ATP8B1: variants seen among roughly 807,000 people sequenced by gnomAD.
The protein encoded by ATP8B1 is phospholipid-transporting ATPase IC.
In ATP8B1, 80 loss-of-function variants were observed where a neutral mutation model predicts 149.9. That is an observed-to-expected ratio of 0.53 (90% confidence interval 0.45 to 0.64). The LOEUF is 0.64. ATP8B1 is among the 30% of genes least tolerant of loss of function. ATP8B1 has a pLI of 0.00. For synonymous variants in ATP8B1, 536 were observed against 562.8 expected (o/e 0.95, Z 0.67); for missense variants, 1,247 against 1,552.6 (o/e 0.80, Z 3.31).
chr18:57,697,681 A>C lies in ATP8B1; in HGVS notation c.635T>G (p.Ile212Ser). 6.2e-7 allele frequency: 1 copy of C among 1,614,138 alleles called. No homozygotes were observed. The highest frequency in any genetic ancestry group is 8.5e-7 in the Non-Finnish European group (1 of 1,180,026). Reference sequence around the variant, plus strand: ...AGGCTCAGAGCTAGACAGCAGGAGAATGTCAGCCTGTCCAAAACAAAACAC... The same window carrying C: ...AGGCTCAGAGCTAGACAGCAGGAGACTGTCAGCCTGTCCAAAACAAAACAC... The part of the protein sequence containing the change: ...LKKNDFVPAD[I>S]LLLSSSEPNS... The change falls in exon 8 of 28, where the codon ATT becomes AGT. Residue 212 changes from isoleucine (I) to serine (S), a missense_variant. Transcript: ENST00000648908.
chr18:57,790,527 T>C (rs1263348519), intron 1 of ATP8B1, among the ~76,000 whole-genome samples: 1 of 152,092 alleles, frequency 6.6e-6, no homozygotes, highest in African/African-American at 2.4e-5. Flanking sequence ...AGCACAGCAC[T>C]AAGCTCTCAC....
At chr18:57,657,209 A>C (rs1910062265) in intron 22 of ATP8B1, among the ~76,000 whole-genome samples, 1 of 152,110 alleles carries the variant, frequency 6.6e-6, no homozygotes, top group Non-Finnish European at 1.5e-5. Context: ...TTAAACTTTC[A>C]AAGTCTTATT....
intron 1 of ATP8B1, among the ~76,000 whole-genome samples, chr18:57,779,810 T>C (rs914885462): frequency 2.6e-5 from 4 of 151,482 alleles, no homozygotes; most frequent in African/African-American, 4.9e-5. Context: ...TGAGGCAGAA[T>C]TGCTTGAAAA....
intron 1 of ATP8B1, among the ~76,000 whole-genome samples, chr18:57,754,672 C>T (rs1027562055): frequency 6.6e-6 from 1 of 152,076 alleles, no homozygotes; most frequent in Non-Finnish European, 1.5e-5. Flanking sequence ...AACACATCAC[C>T]AAATTGACAC....
intron 1 of ATP8B1, among the ~76,000 whole-genome samples, chr18:57,733,425 A>C (rs1388112811): frequency 6.6e-6 from 1 of 152,144 alleles, no homozygotes; most frequent in Non-Finnish European, 1.5e-5. Flanking sequence ...AATTTAAGGC[A>C]GCCACGCACG....
chr18:57,732,817 C>T (rs373288924), intron 1 of ATP8B1, among the ~76,000 whole-genome samples: 2 of 131,342 alleles, frequency 1.5e-5, no homozygotes, highest in African/African-American at 5.8e-5. Flanking sequence ...CCCGCCTCGG[C>T]TTCCCAAAGT....
At position 57,757,024 on chromosome 18, in the gene ATP8B1, C is replaced by T. The variant is rs770985277; in HGVS notation, c.-25-25192G>A. ...CTGATCCAGTCTCTACTACAATGGC[C>T]ATGAAAGGATGATTTCACAGCACCC... On this transcript the variant is annotated intron_variant, in intron 1 of 27. Transcript: ENST00000648908. 2.6e-5 allele frequency among the ~76,000 whole-genome samples: 4 copies of T among 152,270 alleles called. No individual in the cohort carries two copies. In the East Asian group the frequency reaches 7.7e-4, roughly 29 times the overall value.
intron 10 of ATP8B1, 134 bp downstream of exon 10, chr18:57,695,029 CAAAAAAAA>C (rs397960134): frequency 9.9e-5 from 28 of 282,928 alleles, no homozygotes; most frequent in African/African-American, 8.2e-4. Context: ...GACTCTGTCT[CAAAAAAAA>C]AAAAAAAAAA....
chr18:57,706,215 A>G lies in ATP8B1; in HGVS notation c.279+275T>C, dbSNP rs200961216. On this transcript the variant is annotated intron_variant, in intron 3 of 27. Transcript: ENST00000648908. ...CAGGAGGCTTCTGTGCCATCATTGT[A>G]TATTCTTTCATAAAACATTTCTAAG... Among the ~76,000 whole-genome samples, 23 of 152,324 alleles carry G rather than the reference A, an allele frequency of 1.5e-4. No individual in the cohort carries two copies. In the East Asian group the frequency reaches 4.4e-3, roughly 29 times the overall value.
intron 2 of ATP8B1, among the ~76,000 whole-genome samples, chr18:57,711,998 T>A (rs1186608249): frequency 6.6e-6 from 1 of 151,890 alleles, no homozygotes. Context: ...CATTTACATG[T>A]ATTACTGTTT....
At position 57,719,685 on chromosome 18, in the gene ATP8B1, A is replaced by G. The variant is rs758725581; in HGVS notation, c.181+11942T>C. 4.7e-3 allele frequency among the ~76,000 whole-genome samples: 723 copies of G among 152,264 alleles called. 5 individuals are homozygous for G. The highest frequency in any genetic ancestry group is 0.017 in the Middle Eastern group (5 of 294). On this transcript the variant is annotated intron_variant, in intron 2 of 27. Transcript: ENST00000648908. The stretch of plus-strand genomic sequence containing the variant: ...CAAGGCGGCAGCGAGGCTGGGGGAG[A>G]GGTGCCCGCCATTGCCCAGGCTTGC...
rs1183045439 is a variant in ATP8B1 at position 57,802,590 on chromosome 18, C to T, written c.-26+408G>A. 3.3e-5 allele frequency among the ~76,000 whole-genome samples: 5 copies of T among 152,222 alleles called. No individual in the cohort carries two copies. The highest frequency in any genetic ancestry group is 2.1e-4 in the South Asian group (1 of 4,830). ...GAGCGCCCCAGCAGGACCCGGTCAC[C>T]GGGGTCTTCCAGAGGGGCGGTAGCC... is the stretch of plus-strand genomic sequence containing the variant. On this transcript the variant is annotated intron_variant, in intron 1 of 27. Coordinates refer to ENST00000648908, the MANE Select transcript of ATP8B1 (RefSeq NM_001374385.1). This position sits in a 1 kb window ranked among gnomAD's most constrained non-coding sequence, Gnocchi z 4.9.
At chr18:57,732,129 G>GTGTATATATGTGTA (rs1568043898) in intron 1 of ATP8B1, 7 of 41,448 alleles carry the variant, frequency 1.7e-4, no homozygotes, top group South Asian at 1.5e-3. Flanking sequence ...ATATATATGT[G>GTGTATATATGTGTA]TATATGTATA....
chr18:57,697,694 CA>C lies in ATP8B1; in HGVS notation c.628-7del. ...GACAGCAGGAGAATGTCAGCCTGTC[CA>C]AAACAAAACACACAAATAACACCGA... On this transcript the variant is annotated splice_region_variant and splice_polypyrimidine_tract_variant and intron_variant, in intron 7 of 27. Transcript: ENST00000648908. The C allele has an allele frequency of 6.2e-7, 1 of 1,613,810 alleles. No homozygotes were observed. The highest frequency in any genetic ancestry group is 1.1e-5 in the South Asian group (1 of 91,046).
chr18:57,655,572 C>T (rs1306392463), intron 22 of ATP8B1, among the ~76,000 whole-genome samples, 155 bp from the exon 23 acceptor site: 1 of 152,250 alleles, frequency 6.6e-6, no homozygotes, highest in Non-Finnish European at 1.5e-5. Flanking sequence ...TCACCCCCAG[C>T]TCTTGAACTC....
chr18:57,729,535 C>T (rs900030558), intron 2 of ATP8B1, among the ~76,000 whole-genome samples: 1 of 127,834 alleles, frequency 7.8e-6, no homozygotes, highest in African/African-American at 3.0e-5. Context: ...GTGGGAATTC[C>T]ATTTTCTTTC....
chr18:57,667,526 C>T (rs1001748432), intron 19 of ATP8B1: 3 of 251,098 alleles, frequency 1.2e-5, no homozygotes, highest in Admixed American at 5.1e-5. Context: ...CACACAAACA[C>T]ACTATTTTTC....
chr18:57,742,674 ATAAT>A (rs1473519776), intron 1 of ATP8B1, among the ~76,000 whole-genome samples: 1 of 152,088 alleles, frequency 6.6e-6, no homozygotes, highest in East Asian at 1.9e-4. Flanking sequence ...TCTACAAATA[ATAAT>A]TTAAAGAATT....
Position 57,649,150 on chromosome 18 carries a change from A to G in ATP8B1, c.3532-438T>C, listed in dbSNP as rs573451330. Among the ~76,000 whole-genome samples, 5 of 145,020 alleles carry G rather than the reference A, an allele frequency of 3.4e-5. No homozygotes were observed. The East Asian group carries it at 6.1e-4, about 18-fold the overall frequency. On this transcript the variant is annotated intron_variant, in intron 27 of 27. Transcript: ENST00000648908. Reference sequence around the variant, plus strand: ...AGTGATCTGCCTGCCTCGGCCTCCAAAAGTTCTGGGATTACAGGCATGAAC... The same window carrying G: ...AGTGATCTGCCTGCCTCGGCCTCCAGAAGTTCTGGGATTACAGGCATGAAC...
Sources: gnomAD v4.1 joint callset for allele counts (sites outside exome capture counted in the v4.1 genomes callset) on GRCh38, gnomAD v4.1.1 for gene constraint, Gnocchi (gnomAD v3.1) non-coding constraint, MANE v1.5 for transcripts, NCBI Gene and HGNC (gene_info 2026-07-23, HGNC 2026-07-21) for gene names.